Variants in ACSL3 observed in about 807,000 individuals in gnomAD.
The protein encoded by ACSL3 is acyl-CoA synthetase long chain family member 3, also known as fatty acid CoA ligase Acsl3.
A neutral mutation model predicts 84.7 loss-of-function variants in ACSL3; 34 were observed. That is an observed-to-expected ratio of 0.40 (90% CI 0.31 to 0.53). The LOEUF (loss-of-function observed/expected upper bound fraction) is 0.53. Ranked by LOEUF, ACSL3 falls within the 20% of genes least tolerant of loss-of-function variation. ACSL3 has a pLI of 0.48. For synonymous variants in ACSL3, 315 were observed against 299.4 expected (o/e 1.05, Z -0.54); for missense variants, 680 against 873.1 (o/e 0.78, Z 2.79).
In ACSL3 at chr2:222,903,144, C is replaced by CT. The variant is rs61054882; in HGVS notation, c.-41+2375dup. On this transcript the variant is annotated intron_variant, in intron 3 of 16. Coordinates refer to ENST00000357430, the MANE Select transcript of ACSL3 (RefSeq NM_004457.5). ...AGACGTAAAATTGAAGGTTGATTTT[C>CT]TTTTTTTTTTTGAGATGAGGTCTGG... 5.7e-3 allele frequency among the ~76,000 whole-genome samples: 834 copies of CT among 147,426 alleles called. 2 individuals carry two copies. The highest frequency in any genetic ancestry group is 8.3e-3 in the Non-Finnish European group (553 of 66,280).
intron 1 of ACSL3, among the ~76,000 whole-genome samples, chr2:222,887,103 T>C (rs1174135292): frequency 6.6e-6 from 1 of 152,276 alleles, no homozygotes; most frequent in Non-Finnish European, 1.5e-5. Context: ...CTCTAACCTC[T>C]GGCAACCATG....
chr2:222,931,994 C>T (rs975001450), intron 14 of ACSL3, among the ~76,000 whole-genome samples: 1 of 152,094 alleles, frequency 6.6e-6, no homozygotes, highest in African/African-American at 2.4e-5. Flanking sequence ...GTGATTGTGC[C>T]ACTGCACTCC....
At position 222,902,540 on chromosome 2, in the gene ACSL3, A is replaced by G. The variant is rs1574540499; in HGVS notation, c.-41+1760A>G. Among the ~76,000 whole-genome samples, 3 of 152,254 alleles carry G rather than the reference A, an allele frequency of 2.0e-5. No homozygotes were observed. The South Asian group carries it at 6.2e-4, about 31-fold the overall frequency. The stretch of plus-strand genomic sequence containing the variant: ...CTTGTTTGTACATGCCATTCAATTT[A>G]TTATAATGCTTTAAAAAAGATATTG... On this transcript the variant is annotated intron_variant, in intron 3 of 16. Coordinates refer to ENST00000357430, the MANE Select transcript of ACSL3 (RefSeq NM_004457.5).
At chr2:222,902,723 A>G (rs959825323) in intron 3 of ACSL3, among the ~76,000 whole-genome samples, 3 of 152,200 alleles carry the variant, frequency 2.0e-5, no homozygotes, top group African/African-American at 7.2e-5. Context: ...GCAGGTTTCT[A>G]CCTCACAAAT....
chr2:222,894,357 T>A (rs978355210), intron 2 of ACSL3, among the ~76,000 whole-genome samples: 3 of 152,232 alleles, frequency 2.0e-5, no homozygotes, highest in African/African-American at 7.2e-5. Context: ...TTTAAAACAA[T>A]TGCTAATTAA....
At position 222,923,150 on chromosome 2, in the gene ACSL3, G is replaced by A. The variant is rs767629776; in HGVS notation, c.1152+1G>A. 6.2e-7 allele frequency: 1 copy of A among 1,612,238 alleles called. No homozygotes were observed. The highest frequency in any genetic ancestry group is 8.5e-7 in the Non-Finnish European group (1 of 1,178,396). On this transcript the variant is annotated splice_donor_variant, in intron 10 of 16. Transcript: ENST00000357430. LOFTEE classifies it high-confidence loss of function. ...ACCAACACTGATGGCAGCAGTTCCGGTAAGAAGTGACCCTTATTTAATATT... is the reference window on the plus strand; with the variant it reads ...ACCAACACTGATGGCAGCAGTTCCGATAAGAAGTGACCCTTATTTAATATT...
At chr2:222,915,982 A>G (rs1176894283) in intron 4 of ACSL3, among the ~76,000 whole-genome samples, 2 of 152,224 alleles carry the variant, frequency 1.3e-5, no homozygotes, top group Non-Finnish European at 2.9e-5. Context: ...TCATTTAAAT[A>G]GGTGAAATTT....
chr2:222,934,147 GT>G, intron 15 of ACSL3, among the ~76,000 whole-genome samples: 1 of 152,294 alleles, frequency 6.6e-6, no homozygotes, highest in African/African-American at 2.4e-5. Flanking sequence ...TTTTAAGATA[GT>G]TTTTAATTTA....
chr2:222,885,102 C>A (rs1695688721), intron 1 of ACSL3, among the ~76,000 whole-genome samples: 1 of 152,154 alleles, frequency 6.6e-6, no homozygotes, highest in Non-Finnish European at 1.5e-5. Flanking sequence ...CTGAGTAAGG[C>A]ATTTAATAAA....
rs77527897 is a variant in ACSL3, at chr2:222,892,044, G to A, written c.-148+4156G>A. Among the ~76,000 whole-genome samples the A allele has an allele frequency of 3.8e-3, 583 of 152,202 alleles. 2 individuals carry two copies. Among genetic ancestry groups the A allele is most frequent in the Middle Eastern group, 0.02 (6 of 294 alleles). On this transcript the variant is annotated intron_variant, in intron 2 of 16. Coordinates refer to ENST00000357430, the MANE Select transcript of ACSL3 (RefSeq NM_004457.5). ...GGTTCTTGCATGGATTAATGATCTC[G>A]ATTTCAGCCCTGTAGTCATTGCGAT...
chr2:222,922,607 C>T, intron 8 of ACSL3, 101 bp from the exon 9 acceptor site: 1 of 1,460,064 alleles, frequency 6.8e-7, no homozygotes, highest in Non-Finnish European at 9.4e-7. Context: ...AATTGATGCC[C>T]TGGGGCCCTT....
In ACSL3 at chr2:222,934,706, T is replaced by C. The variant is rs771877367; in HGVS notation, c.2005+19T>C. ...ATTTCAGGTGAGTATTCGGTTAAAC[T>C]GATACTAAAAACTGAGATGGGAAGA... is the stretch of plus-strand genomic sequence containing the variant. On this transcript the variant is annotated intron_variant, in intron 16 of 16. Transcript: ENST00000357430. The C allele has an allele frequency of 7.5e-6, 12 of 1,600,716 alleles. No individual in the cohort carries two copies. The East Asian group carries it at 1.6e-4, about 21-fold the overall frequency.
At chr2:222,925,597 C>T (rs543970362) in intron 11 of ACSL3, among the ~76,000 whole-genome samples, 30 of 152,200 alleles carry the variant, frequency 2.0e-4, no homozygotes, top group African/African-American at 7.2e-4. Context: ...GACTCTGTCT[C>T]TTTAAAAGAC....
At chr2:222,922,980 C>T (rs1315670506) in intron 9 of ACSL3, 98 bp from the exon 10 acceptor site, 3 of 1,334,372 alleles carry the variant, frequency 2.2e-6, no homozygotes, top group African/African-American at 3.0e-5. Context: ...ACTGTAAGTA[C>T]ATTAAAATAA....
chr2:222,931,666 C>T (rs1386263825), intron 14 of ACSL3, among the ~76,000 whole-genome samples: 1 of 152,174 alleles, frequency 6.6e-6, no homozygotes, highest in Non-Finnish European at 1.5e-5. Context: ...CTTAAACACA[C>T]CCTCTCACTG....
At chr2:222,928,231 G>T (rs1375423341) in intron 12 of ACSL3, among the ~76,000 whole-genome samples, 2 of 152,158 alleles carry the variant, frequency 1.3e-5, no homozygotes, top group Non-Finnish European at 2.9e-5. Context: ...CCTGGCTCTT[G>T]AGCTATTGCT....
At chr2:222,890,076 T>C (rs1695807788) in intron 2 of ACSL3, among the ~76,000 whole-genome samples, 1 of 152,284 alleles carries the variant, frequency 6.6e-6, no homozygotes, top group South Asian at 2.1e-4. Flanking sequence ...TATTTTTAGC[T>C]ACTTAACCTT....
In ACSL3 at chr2:222,891,579, G is replaced by A. The variant is rs1695846141; in HGVS notation, c.-148+3691G>A. ...AATAGTGGGTCTTGATCAGTTTTGG[G>A]GAAATTGAGGGGACTGTATTTATAG... On this transcript the variant is annotated intron_variant, in intron 2 of 16. Coordinates refer to ENST00000357430, the MANE Select transcript of ACSL3 (RefSeq NM_004457.5). 2.0e-5 allele frequency among the ~76,000 whole-genome samples: 3 copies of A among 152,242 alleles called. No homozygotes were observed. The South Asian group carries it at 6.2e-4, about 32-fold the overall frequency.
intron 3 of ACSL3, 109 bp downstream of exon 3, chr2:222,900,889 A>G (rs1696128037): frequency 6.6e-6 from 1 of 152,188 alleles, no homozygotes; most frequent in African/African-American, 2.4e-5. Flanking sequence ...ATTTGTGTAC[A>G]TTAGAATGCA....
Sources: gnomAD v4.1 joint callset for allele counts (sites outside exome capture counted in the v4.1 genomes callset) on GRCh38, gnomAD v4.1.1 for gene constraint, MANE v1.5 for transcripts, NCBI Gene and HGNC (gene_info 2026-07-23, HGNC 2026-07-21) for gene names.